Variants in PEBP4 observed in about 807,000 individuals in gnomAD.
PEBP4 encodes the protein phosphatidylethanolamine-binding protein 4.
In PEBP4, 22 loss-of-function variants were observed where a neutral mutation model predicts 23.9. That is an observed-to-expected ratio of 0.92 (90% confidence interval 0.66 to 1.31). The LOEUF is 1.31. PEBP4 is among the 40% of genes most tolerant of loss of function. The pLI, the probability that PEBP4 is intolerant of heterozygous loss-of-function variation, is 0.00. For missense variants in PEBP4, 324 were observed against 281.7 expected, an observed-to-expected ratio of 1.15 and a Z score of -1.07; for synonymous variants, 112 against 99.3, an observed-to-expected ratio of 1.13 and a Z score of -0.76.
intron 3 of PEBP4, among the ~76,000 whole-genome samples, chr8:22,840,589 C>T (rs926277716): frequency 1.3e-5 from 2 of 152,028 alleles, no homozygotes; most frequent in Admixed American, 6.6e-5. Context: ...GTGAGCAATT[C>T]CTGCCTGTTG....
intron 3 of PEBP4, among the ~76,000 whole-genome samples, chr8:22,911,401 G>A (rs1808936027): frequency 6.6e-6 from 1 of 152,138 alleles, no homozygotes; most frequent in Non-Finnish European, 1.5e-5. Flanking sequence ...ACCAGGCAGT[G>A]GGGGTTTTGG....
At chr8:22,740,781 G>A (rs1423009683) in intron 4 of PEBP4, among the ~76,000 whole-genome samples, 1 of 152,190 alleles carries the variant, frequency 6.6e-6, no homozygotes, top group Non-Finnish European at 1.5e-5. Flanking sequence ...GAGGGGCTGG[G>A]CCAGACCTGA....
intron 3 of PEBP4, among the ~76,000 whole-genome samples, chr8:22,868,854 G>A (rs1435718761): frequency 3.9e-5 from 6 of 152,094 alleles, no homozygotes. Flanking sequence ...GGCATCCTGG[G>A]CAGCCTGTTT....
chr8:22,750,095 C>T (rs769772498), intron 4 of PEBP4, among the ~76,000 whole-genome samples: 7 of 151,830 alleles, frequency 4.6e-5, no homozygotes, highest in Non-Finnish European at 7.4e-5. Context: ...CGTGAGCCAC[C>T]GCACCCAGCC....
intron 3 of PEBP4, among the ~76,000 whole-genome samples, chr8:22,846,143 C>T (rs1807431253): frequency 6.6e-6 from 1 of 152,230 alleles, no homozygotes; most frequent in South Asian, 2.1e-4. Context: ...TGCCACCCTG[C>T]ATACACTGTG....
intron 3 of PEBP4, among the ~76,000 whole-genome samples, chr8:22,852,655 C>T (rs999632765): frequency 2.0e-5 from 3 of 151,614 alleles, no homozygotes; most frequent in Admixed American, 1.3e-4. Context: ...AGTTCCTGGC[C>T]GTGCAAAGTC....
At chr8:22,785,623 A>G (rs761363600) in intron 4 of PEBP4, among the ~76,000 whole-genome samples, 9 of 152,106 alleles carry the variant, frequency 5.9e-5, no homozygotes, top group Non-Finnish European at 8.8e-5. Context: ...CCAGGGTGTG[A>G]AGGAGTCAGA....
At chr8:22,716,583 A>G (rs1804424131) in intron 6 of PEBP4, among the ~76,000 whole-genome samples, 1 of 152,224 alleles carries the variant, frequency 6.6e-6, no homozygotes, top group African/African-American at 2.4e-5. Context: ...AGGTCTTGAC[A>G]GTCACTCTCT....
At chr8:22,910,290 C>T (rs1238191867) in intron 3 of PEBP4, among the ~76,000 whole-genome samples, 1 of 152,182 alleles carries the variant, frequency 6.6e-6, no homozygotes, top group African/African-American at 2.4e-5. Context: ...GAAAATTGTA[C>T]AGCTTACCCC....
chr8:22,896,257 C>T (rs1808587680), intron 3 of PEBP4: 1 of 152,196 alleles, frequency 6.6e-6, no homozygotes, highest in South Asian at 2.1e-4. Flanking sequence ...AATACATAGG[C>T]CACGGTAATA....
chr8:22,763,662 C>A (rs1209980655), intron 4 of PEBP4, among the ~76,000 whole-genome samples: 1 of 152,162 alleles, frequency 6.6e-6, no homozygotes, highest in Non-Finnish European at 1.5e-5. Flanking sequence ...AGGTGCCCAG[C>A]CTACTAGGCT....
chr8:22,783,691 T>C lies in PEBP4; in HGVS notation c.357+33946A>G, dbSNP rs1265558553. Among the ~76,000 whole-genome samples the C allele has an allele frequency of 2.6e-5, 4 of 152,242 alleles. No individual in the cohort carries two copies. The East Asian group carries it at 7.7e-4, about 29-fold the overall frequency. ...TGGTTTTTGTTTTGTTTTGTTTTGT[T>C]TGAGATGGAGTCTTACTCTGTTACC... On this transcript the variant is annotated intron_variant, in intron 4 of 6. Coordinates refer to ENST00000256404, the MANE Select transcript of PEBP4 (RefSeq NM_144962.3).
At position 22,808,841 on chromosome 8, in the gene PEBP4, G is replaced by T. The variant is rs150099118; in HGVS notation, c.357+8796C>A. ...TCCCTAACATGTACTCACCAGATTTGATTTGATTTGATTTTTTTATTTATT... is the reference window on the plus strand; with the variant it reads ...TCCCTAACATGTACTCACCAGATTTTATTTGATTTGATTTTTTTATTTATT... On this transcript the variant is annotated intron_variant, in intron 4 of 6. Coordinates refer to ENST00000256404, the MANE Select transcript of PEBP4 (RefSeq NM_144962.3). Among the ~76,000 whole-genome samples the T allele has an allele frequency of 3.9e-3, 593 of 152,288 alleles. 4 individuals are homozygous for T. The highest frequency in any genetic ancestry group is 0.013 in the African/African-American group (550 of 41,560).
At chr8:22,863,944 T>G (rs2128769145) in intron 3 of PEBP4, among the ~76,000 whole-genome samples, 1 of 152,288 alleles carries the variant, frequency 6.6e-6, no homozygotes, top group African/African-American at 2.4e-5. Context: ...TGGTCCGGAC[T>G]TTTATCATCT....
intron 4 of PEBP4, among the ~76,000 whole-genome samples, chr8:22,790,488 G>A (rs1458159413): frequency 6.6e-6 from 1 of 152,198 alleles, no homozygotes; most frequent in African/African-American, 2.4e-5. Flanking sequence ...GGAAGAGGAA[G>A]ACATCCCAGA....
intron 4 of PEBP4, among the ~76,000 whole-genome samples, chr8:22,739,668 C>A (rs1229842210): frequency 6.6e-6 from 1 of 152,132 alleles, no homozygotes; most frequent in African/African-American, 2.4e-5. Context: ...TGATGCCCCC[C>A]TCCCCACAGT....
chr8:22,898,390 C>T (rs2954159), intron 3 of PEBP4, among the ~76,000 whole-genome samples: 1 of 28,236 alleles, frequency 3.5e-5, no homozygotes, highest in Non-Finnish European at 8.1e-5. Flanking sequence ...AGACTCCACC[C>T]CAAAAAAAAA....
At chr8:22,939,196 G>T (rs1177834873) in intron 1 of PEBP4, among the ~76,000 whole-genome samples, 3 of 152,158 alleles carry the variant, frequency 2.0e-5, no homozygotes, top group Non-Finnish European at 4.4e-5. Flanking sequence ...AGCAACAAGA[G>T]AATGGAGTGA....
chr8:22,780,440 C>A (rs1037881382), intron 4 of PEBP4, among the ~76,000 whole-genome samples: 8 of 152,144 alleles, frequency 5.3e-5, no homozygotes, highest in Non-Finnish European at 1.0e-4. Context: ...AGGTCCTCTC[C>A]CCTCCCTAAG....
Sources: gnomAD v4.1 joint callset for allele counts (sites outside exome capture counted in the v4.1 genomes callset) on GRCh38, gnomAD v4.1.1 for gene constraint, MANE v1.5 for transcripts, NCBI Gene and HGNC (gene_info 2026-07-23, HGNC 2026-07-21) for gene names.